Variants in STRN observed in about 807,000 individuals in gnomAD.
STRN encodes striatin.
In STRN, 53 loss-of-function variants were observed where a neutral mutation model predicts 96.3. That is an observed-to-expected ratio of 0.55 (90% CI 0.44 to 0.69). The LOEUF is 0.69. Ranked by LOEUF, STRN falls within the 30% of genes least tolerant of loss-of-function variation. The pLI, the probability that STRN is intolerant of heterozygous loss-of-function variation, is 0.00. For missense variants in STRN, 987 were observed against 963.9 expected, an observed-to-expected ratio of 1.02 and a Z score of -0.32; for synonymous variants, 428 against 355.9, an observed-to-expected ratio of 1.20 and a Z score of -2.28.
intron 3 of STRN, 40 bp from the exon 4 acceptor site, chr2:36,905,658 C>T (rs575824126): frequency 7.1e-6 from 11 of 1,542,438 alleles, no homozygotes; most frequent in East Asian, 2.2e-5. Flanking sequence ...ACTTGTTTTA[C>T]GTATTAGAGG....
Position 36,957,742 on chromosome 2 carries a change from G to GTTTTTTTTTTTTTTTTTTTTTTTTTTTTT in STRN, c.234+8487_234+8488insAAAAAAAAAAAAAAAAAAAAAAAAAAAAA, listed in dbSNP as rs1158709835. Among the ~76,000 whole-genome samples the GTTTTTTTTTTTTTTTTTTTTTTTTTTTTT allele has an allele frequency of 3.9e-5, 4 of 103,132 alleles. 1 individual carries two copies. The highest frequency in any genetic ancestry group is 3.5e-5 in the African/African-American group (1 of 28,188). 67.7% of individuals were successfully genotyped at this position (103,132 alleles called of 152,430 possible). A position where few individuals can be genotyped will look rare whatever the true frequency, so the allele number is the denominator to read the frequency against. ...GATTAGTCTCATAGTTCTTCTTTTTGTCTTTTTTTTTTTTTTTTTTTTTTT... is the reference window on the plus strand; with the variant it reads ...GATTAGTCTCATAGTTCTTCTTTTTGTTTTTTTTTTTTTTTTTTTTTTTTTTTTTTCTTTTTTTTTTTTTTTTTTTTTTT... On this transcript the variant is annotated intron_variant, in intron 1 of 17. Coordinates refer to ENST00000263918, the MANE Select transcript of STRN (RefSeq NM_003162.4).
At position 36,966,447 on chromosome 2, in the gene STRN, C is replaced by T. The variant is rs1665167631; in HGVS notation, c.17G>A (p.Gly6Asp). 2.0e-6 allele frequency: 3 copies of T among 1,463,556 alleles called. No homozygotes were observed. The highest frequency in any genetic ancestry group is 2.6e-5 in the Admixed American group (1 of 38,680). The allele number at this position is 1,463,556 out of a possible 1,614,324, so 90.7% of individuals were successfully genotyped here. Residue 6 changes from glycine to aspartate, a missense_variant, in exon 1 of 18, where the codon GGT becomes GAT. Physicochemically the swap from Gly to Asp is moderately conservative, Grantham distance 94 (BLOSUM62 -1). Transcript: ENST00000263918. MDEQA[G>D]PGVFFSNNHP... is the part of the protein sequence containing the mutation. ...GTTGTTGCTGAAGAAGACGCCGGGA[C>T]CCGCCTGCTCGTCCATGGCGGCCGC... is the stretch of plus-strand genomic sequence containing the variant.
In STRN at chr2:36,851,469, C is replaced by T. The variant is rs563225233; in HGVS notation, c.1979-362G>A. On this transcript the variant is annotated intron_variant, in intron 15 of 17. Coordinates refer to ENST00000263918, the MANE Select transcript of STRN (RefSeq NM_003162.4). ...CTGCATTCCAGCCTAGGTGTCAGAGCGAGACTCCATTTCAAAAAAAGAAAA... is the reference window on the plus strand; with the variant it reads ...CTGCATTCCAGCCTAGGTGTCAGAGTGAGACTCCATTTCAAAAAAAGAAAA... Among the ~76,000 whole-genome samples, 56 of 151,590 alleles carry T rather than the reference C, an allele frequency of 3.7e-4. 1 individual carries two copies. The South Asian group carries it at 8.5e-3, about 23-fold the overall frequency.
At chr2:36,866,402 T>C (rs556329402) in intron 12 of STRN, among the ~76,000 whole-genome samples, 20 of 152,220 alleles carry the variant, frequency 1.3e-4, no homozygotes, top group African/African-American at 4.8e-4. Context: ...GGTCTGAGAG[T>C]GTGGTTGGCA....
intron 3 of STRN, 146 bp downstream of exon 3, chr2:36,915,932 A>C: frequency 1.5e-6 from 1 of 676,562 alleles, no homozygotes; most frequent in Non-Finnish European, 2.5e-6. Flanking sequence ...TCTAAATGAC[A>C]CTAAATGGTG....
At chr2:36,870,467 C>T (rs1017497569) in intron 10 of STRN, among the ~76,000 whole-genome samples, 2 of 152,142 alleles carry the variant, frequency 1.3e-5, no homozygotes, top group Non-Finnish European at 2.9e-5. Flanking sequence ...TCATGTGCCA[C>T]ATAAATACAT....
chr2:36,891,923 T>G (rs371409240), intron 7 of STRN, among the ~76,000 whole-genome samples: 10 of 152,308 alleles, frequency 6.6e-5, no homozygotes, highest in African/African-American at 2.2e-4. Flanking sequence ...TTTTTTCATT[T>G]TGGCTTTAGA....
intron 1 of STRN, among the ~76,000 whole-genome samples, chr2:36,942,358 T>C (rs1670866633): frequency 6.6e-6 from 1 of 152,134 alleles, no homozygotes; most frequent in South Asian, 2.1e-4. Flanking sequence ...CATGTAAAAA[T>C]GAGAAAAATA....
Position 36,899,642 on chromosome 2 carries a change from C to G in STRN, c.676G>C (p.Asp226His). The G allele has an allele frequency of 6.2e-7, 1 of 1,609,716 alleles. No homozygotes were observed. The change falls in exon 6 of 18, where the codon GAT (aspartate) becomes CAT (histidine). Residue 226 changes from aspartate (D) to histidine (H), a missense_variant. Transcript: ENST00000263918. ...TAMIAKSELT[D>H]SASVLDNFKF... Reference sequence around the variant, plus strand: ...AAATTATCCAGCACGGAGGCAGAATCTGTTAACTCAGATTTTCTGGTGTAA... The same window carrying G: ...AAATTATCCAGCACGGAGGCAGAATGTGTTAACTCAGATTTTCTGGTGTAA...
chr2:36,917,419 G>C (rs1271040447), intron 2 of STRN, among the ~76,000 whole-genome samples: 3 of 151,452 alleles, frequency 2.0e-5, no homozygotes, highest in African/African-American at 7.3e-5. Flanking sequence ...TACTCGGGAG[G>C]CTAAGGTGGG....
chr2:36,897,771 T>C (rs1358835893), intron 6 of STRN, among the ~76,000 whole-genome samples: 2 of 152,108 alleles, frequency 1.3e-5, no homozygotes, highest in African/African-American at 2.4e-5. Context: ...AGTAGCATGA[T>C]CATGGCTCAC....
intron 2 of STRN, among the ~76,000 whole-genome samples, chr2:36,916,980 A>G (rs1289351810): frequency 6.6e-6 from 1 of 151,806 alleles, no homozygotes; most frequent in Non-Finnish European, 1.5e-5. Flanking sequence ...TATTGAGGCC[A>G]TTTATAATAA....
intron 1 of STRN, among the ~76,000 whole-genome samples, chr2:36,951,071 A>C (rs1205470353): frequency 6.6e-6 from 1 of 152,242 alleles, no homozygotes; most frequent in Non-Finnish European, 1.5e-5. Context: ...AAAATATTCA[A>C]TTAGTTCTCA....
chr2:36,910,415 A>G (rs1669936777), intron 3 of STRN, among the ~76,000 whole-genome samples: 1 of 152,172 alleles, frequency 6.6e-6, no homozygotes, highest in Non-Finnish European at 1.5e-5. Flanking sequence ...GTGGTTTATC[A>G]CATACATAGA....
chr2:36,875,028 C>T (rs751533455), intron 10 of STRN, among the ~76,000 whole-genome samples: 2 of 152,094 alleles, frequency 1.3e-5, no homozygotes, highest in Admixed American at 6.5e-5. Flanking sequence ...AGAAGATAAA[C>T]ATATTCAGAA....
intron 1 of STRN, among the ~76,000 whole-genome samples, chr2:36,943,063 T>C (rs1357022408): frequency 6.6e-6 from 1 of 152,122 alleles, no homozygotes; most frequent in African/African-American, 2.4e-5. Context: ...TTATTAATAA[T>C]ACTTTTCTGC....
At chr2:36,934,800 G>C (rs1468140315) in intron 1 of STRN, among the ~76,000 whole-genome samples, 1 of 152,120 alleles carries the variant, frequency 6.6e-6, no homozygotes, top group African/African-American at 2.4e-5. Flanking sequence ...AATTAGGCTG[G>C]GCACGGTGGC....
intron 10 of STRN, among the ~76,000 whole-genome samples, chr2:36,873,148 C>A (rs1170628322): frequency 6.6e-6 from 1 of 152,182 alleles, no homozygotes; most frequent in Non-Finnish European, 1.5e-5. Context: ...GCCAAGCTTG[C>A]AGGGACTGTA....
At chr2:36,912,729 C>A (rs1043553167) in intron 3 of STRN, among the ~76,000 whole-genome samples, 2 of 152,170 alleles carry the variant, frequency 1.3e-5, no homozygotes, top group Non-Finnish European at 2.9e-5. Context: ...TCTAACACAT[C>A]CATACTTCTG....
Sources: gnomAD v4.1 joint callset for allele counts (sites outside exome capture counted in the v4.1 genomes callset) on GRCh38, gnomAD v4.1.1 for gene constraint, MANE v1.5 for transcripts, NCBI Gene and HGNC (gene_info 2026-07-23, HGNC 2026-07-21) for gene names.